The following STXBP4 variants were observed in gnomAD, a reference collection of about 807,000 sequenced individuals.
STXBP4 encodes syntaxin-binding protein 4.
Under a neutral mutation model 76.1 loss-of-function variants are expected in STXBP4, and 55 were observed. The ratio of observed to expected loss-of-function variants is 0.72; its 90% confidence interval spans 0.58 to 0.91. The LOEUF is 0.91. Among genes scored for constraint, STXBP4 ranks in the 40% least tolerant of loss-of-function variants. The pLI is 0.00. For synonymous variants in STXBP4, 201 were observed against 220.2 expected (o/e 0.91, Z 0.77); for missense variants, 618 against 636.9 (o/e 0.97, Z 0.32).
intron 9 of STXBP4, among the ~76,000 whole-genome samples, chr17:55,033,882 A>C (rs116182048): frequency 6.4e-4 from 98 of 152,326 alleles, no homozygotes; most frequent in African/African-American, 2.3e-3. Context: ...TGTTTCAGAA[A>C]AAGTTCTACT....
intron 16 of STXBP4, among the ~76,000 whole-genome samples, chr17:55,094,883 A>G (rs2079464028): frequency 6.6e-6 from 1 of 152,228 alleles, no homozygotes; most frequent in Non-Finnish European, 1.5e-5. Context: ...TTAACATACA[A>G]AAACAAATAT....
chr17:55,018,317 C>A (rs1008763085), intron 8 of STXBP4, among the ~76,000 whole-genome samples: 5 of 152,256 alleles, frequency 3.3e-5, no homozygotes, highest in Admixed American at 2.0e-4. Flanking sequence ...GGACACTCTG[C>A]CGGATTGAGA....
At chr17:55,021,436 A>C (rs1451221006) in intron 8 of STXBP4, among the ~76,000 whole-genome samples, 1 of 152,112 alleles carries the variant, frequency 6.6e-6, no homozygotes, top group African/African-American at 2.4e-5. Context: ...AGGGAGGAGG[A>C]TCCCTTGAGC....
the STXBP4 span, among the ~76,000 whole-genome samples, chr17:55,200,262 T>C: frequency 6.6e-6 from 1 of 152,216 alleles, no homozygotes; most frequent in African/African-American, 2.4e-5. Flanking sequence ...AAGAGTGACT[T>C]AATGAAAGCT....
intron 16 of STXBP4, among the ~76,000 whole-genome samples, chr17:55,119,247 A>G (rs887816652): frequency 6.6e-6 from 1 of 152,036 alleles, no homozygotes; most frequent in African/African-American, 2.4e-5. Flanking sequence ...TTTATTTTCA[A>G]AAGGATTGGT....
chr17:55,080,061 C>A (rs186124190), intron 15 of STXBP4, among the ~76,000 whole-genome samples: 3 of 152,102 alleles, frequency 2.0e-5, no homozygotes, highest in Non-Finnish European at 4.4e-5. Context: ...CTAAGTGTGT[C>A]ACCCACCCTC....
At chr17:55,018,638 A>G (rs2078251071) in intron 8 of STXBP4, among the ~76,000 whole-genome samples, 2 of 152,228 alleles carry the variant, frequency 1.3e-5, no homozygotes, top group Non-Finnish European at 2.9e-5. Flanking sequence ...AGGAGTCAGC[A>G]AAGGGTGGTG....
intron 12 of STXBP4, among the ~76,000 whole-genome samples, chr17:55,060,651 G>T (rs974644269): frequency 6.6e-6 from 1 of 152,132 alleles, no homozygotes; most frequent in Non-Finnish European, 1.5e-5. Flanking sequence ...GTTTTGAAAA[G>T]AATTGGCTGT....
At chr17:55,071,965 G>C (rs1301031697) in intron 12 of STXBP4, among the ~76,000 whole-genome samples, 1 of 152,170 alleles carries the variant, frequency 6.6e-6, no homozygotes, top group African/African-American at 2.4e-5. Flanking sequence ...TTGGTGTCCT[G>C]GGGGACTGTC....
At chr17:55,212,300 C>T in the STXBP4 span, among the ~76,000 whole-genome samples, 3 of 151,784 alleles carry the variant, frequency 2.0e-5, no homozygotes, top group South Asian at 2.1e-4. Flanking sequence ...CTCTTTCCAG[C>T]GTGACACAAA....
chr17:55,212,029 A>T, the STXBP4 span, among the ~76,000 whole-genome samples: 1 of 151,040 alleles, frequency 6.6e-6, no homozygotes, highest in East Asian at 1.9e-4. Flanking sequence ...CATGTCTGTC[A>T]GGCTGGTCTC....
chr17:55,123,770 C>T (rs989189232), intron 16 of STXBP4, among the ~76,000 whole-genome samples: 1 of 151,774 alleles, frequency 6.6e-6, no homozygotes. Context: ...CATGGTGGCC[C>T]GCGCCTATAG....
intron 16 of STXBP4, among the ~76,000 whole-genome samples, chr17:55,103,844 T>G (rs1264876430): frequency 6.6e-6 from 1 of 152,216 alleles, no homozygotes; most frequent in Non-Finnish European, 1.5e-5. Context: ...GCCCTTCACC[T>G]CCATTGTAAG....
chr17:55,026,834 C>T (rs992209936), intron 8 of STXBP4, among the ~76,000 whole-genome samples: 2 of 152,094 alleles, frequency 1.3e-5, no homozygotes, highest in Middle Eastern at 3.2e-3. Context: ...ACTCTCTTGT[C>T]GAGAACCAGG....
intron 8 of STXBP4, among the ~76,000 whole-genome samples, chr17:55,030,637 T>A (rs1472630453): frequency 3.3e-5 from 5 of 152,188 alleles, no homozygotes; most frequent in Admixed American, 2.0e-4. Flanking sequence ...GAGAAAGAAC[T>A]TTTCCCTTAA....
chr17:55,052,971 G>A (rs2078879773), intron 12 of STXBP4, among the ~76,000 whole-genome samples: 1 of 117,386 alleles, frequency 8.5e-6, no homozygotes, highest in Non-Finnish European at 1.7e-5. Flanking sequence ...CTTTAGAAAT[G>A]TCAATGCTAT....
At chr17:55,209,016 A>G in the STXBP4 span, among the ~76,000 whole-genome samples, 1 of 152,056 alleles carries the variant, frequency 6.6e-6, no homozygotes, top group African/African-American at 2.4e-5. Context: ...TGGGAGGTGG[A>G]GGCCACAGTG....
chr17:55,151,286 C>T (rs2080215046), intron 17 of STXBP4, among the ~76,000 whole-genome samples: 1 of 152,022 alleles, frequency 6.6e-6, no homozygotes, highest in African/African-American at 2.4e-5. Flanking sequence ...TTGGATGGGG[C>T]TTTGATACTC....
chr17:55,211,771 TG>T, the STXBP4 span, among the ~76,000 whole-genome samples: 1 of 149,278 alleles, frequency 6.7e-6, no homozygotes, highest in African/African-American at 2.5e-5. Context: ...CAAATTAGTT[TG>T]GGGAATGCTG....
Sources: gnomAD v4.1 joint callset for allele counts (sites outside exome capture counted in the v4.1 genomes callset) on GRCh38, gnomAD v4.1.1 for gene constraint, MANE v1.5 for transcripts, NCBI Gene and HGNC (gene_info 2026-07-23, HGNC 2026-07-21) for gene names.